MRC1: variants seen among roughly 807,000 people sequenced by gnomAD.
MRC1 encodes the protein macrophage mannose receptor 1.
In MRC1, 62 loss-of-function variants were observed where a neutral mutation model predicts 102.9. That is an observed-to-expected ratio of 0.60 (90% confidence interval 0.49 to 0.74). MRC1 has a LOEUF of 0.74. MRC1 is among the 30% of genes least tolerant of loss of function. MRC1 has a pLI of 0.00. For synonymous variants in MRC1, 457 were observed against 298.4 expected, an observed-to-expected ratio of 1.53 and a Z score of -5.48; for missense variants, 1,237 against 862.8, an observed-to-expected ratio of 1.43 and a Z score of -5.43.
intron 28 of MRC1, 56 bp from the exon 29 acceptor site, chr10:17,909,250 G>A (rs2130728058): frequency 2.5e-6 from 2 of 793,826 alleles, no homozygotes; most frequent in East Asian, 4.9e-5. Context: ...AATAATATTT[G>A]CTATCTACCT....
intron 22 of MRC1, among the ~76,000 whole-genome samples, chr10:17,886,697 C>CT (rs1346472516): frequency 1.3e-5 from 2 of 152,134 alleles, no homozygotes; most frequent in Non-Finnish European, 2.9e-5. Flanking sequence ...CCACCACGCC[C>CT]ATTCAGGTTT....
At chr10:17,899,833 T>C (rs1833804288) in intron 24 of MRC1, among the ~76,000 whole-genome samples, 1 of 152,072 alleles carries the variant, frequency 6.6e-6, no homozygotes, top group Non-Finnish European at 1.5e-5. Context: ...GCACGGTGGC[T>C]CACGCCTGTA....
At chr10:17,879,862 C>T (rs1159605341) in intron 19 of MRC1, 41 bp downstream of exon 19, 33 of 780,600 alleles carry the variant, frequency 4.2e-5, no homozygotes, top group Middle Eastern at 2.2e-4. Context: ...TGTGGCGTGG[C>T]GTGTCATTTG....
chr10:17,814,896 C>T (rs1031263682), intron 1 of MRC1, among the ~76,000 whole-genome samples: 6 of 151,778 alleles, frequency 4.0e-5, no homozygotes, highest in Non-Finnish European at 8.8e-5. Context: ...AACTCCTGAC[C>T]TCAGGTGATC....
intron 1 of MRC1, among the ~76,000 whole-genome samples, chr10:17,809,755 C>G (rs1838194729): frequency 6.6e-6 from 1 of 152,124 alleles, no homozygotes; most frequent in Non-Finnish European, 1.5e-5. Flanking sequence ...CGGTTGCTGC[C>G]CTGCCGGGAA....
intron 22 of MRC1, among the ~76,000 whole-genome samples, chr10:17,893,053 A>C (rs984693494): frequency 9.2e-5 from 14 of 151,506 alleles, no homozygotes; most frequent in Non-Finnish European, 2.1e-4. Context: ...AAATAAACAC[A>C]GTGAAATTTG....
At chr10:17,818,178 T>A (rs1165723588) in intron 1 of MRC1, among the ~76,000 whole-genome samples, 1 of 152,212 alleles carries the variant, frequency 6.6e-6, no homozygotes, top group East Asian at 1.9e-4. Flanking sequence ...AAATAAGCTT[T>A]CAGGGGAAAA....
intron 16 of MRC1, 105 bp downstream of exon 16, chr10:17,873,930 G>A (rs1833390549): frequency 3.8e-6 from 3 of 789,778 alleles, no homozygotes; most frequent in Non-Finnish European, 6.9e-6. Context: ...GAGAGCAGAA[G>A]TCCTTAATAA....
rs945025375 is a variant in MRC1, at chr10:17,812,240, G to A, written c.61+2714G>A. Among the ~76,000 whole-genome samples, 1,067 of 152,156 alleles carry A rather than the reference G, an allele frequency of 7.0e-3. 19 individuals are homozygous for A. The highest frequency in any genetic ancestry group is 0.024 in the African/African-American group (985 of 41,492). ...CACCTTTCCTACTGTTGTTCTTGCC[G>A]CACTATCTTTTTAGCACTCAGCAGC... On this transcript the variant is annotated intron_variant, in intron 1 of 29. Coordinates refer to ENST00000569591, the MANE Select transcript of MRC1 (RefSeq NM_002438.4).
rs1266396873 is a variant in MRC1, at chr10:17,879,766, T to G, written c.2664T>G (p.Gly888=). ...SKVDYVSWAT[G]EPNFANEDEN... The stretch of plus-strand genomic sequence containing the variant: ...TGGATTACGTGTCTTGGGCCACAGG[T>G]GAACCCAATTTTGCAAATGAAGATG... The change falls in exon 19 of 30, where the codon GGT becomes GGG. Residue 888 remains glycine, a synonymous_variant. Coordinates refer to ENST00000569591, the MANE Select transcript of MRC1 (RefSeq NM_002438.4). The G allele has an allele frequency of 1.3e-6, 1 of 780,752 alleles. No homozygotes were observed. Among genetic ancestry groups the G allele is most frequent in the African/African-American group, 1.7e-5 (1 of 59,136 alleles). The allele number at this position is 780,752 out of a possible 1,614,324, so 48.4% of individuals were successfully genotyped here.
At chr10:17,874,517 G>T (rs1833399803) in intron 16 of MRC1, among the ~76,000 whole-genome samples, 1 of 152,100 alleles carries the variant, frequency 6.6e-6, no homozygotes, top group African/African-American at 2.4e-5. Flanking sequence ...TTCCATGTAA[G>T]CTAACATTCA....
intron 4 of MRC1, among the ~76,000 whole-genome samples, chr10:17,835,509 A>G (rs1838649424): frequency 6.6e-6 from 1 of 152,176 alleles, no homozygotes; most frequent in Admixed American, 6.5e-5. Context: ...TAAGTCCTGC[A>G]TGGAAAGCAA....
Position 17,818,268 on chromosome 10 carries a change from G to A in MRC1, c.62-4806G>A, listed in dbSNP as rs898150110. ...CTGGGTTACTAGTTAAGATGCTTCCGCTTAATAAACATTCTTTCATTCATT... is the reference window on the plus strand; with the variant it reads ...CTGGGTTACTAGTTAAGATGCTTCCACTTAATAAACATTCTTTCATTCATT... On this transcript the variant is annotated intron_variant, in intron 1 of 29. Coordinates refer to ENST00000569591, the MANE Select transcript of MRC1 (RefSeq NM_002438.4). Among the ~76,000 whole-genome samples, 23 of 152,156 alleles carry A rather than the reference G, an allele frequency of 1.5e-4. No homozygotes were observed. The East Asian group carries it at 3.3e-3, about 22-fold the overall frequency.
chr10:17,829,264 TA>T (rs1218991840), intron 3 of MRC1, among the ~76,000 whole-genome samples: 1 of 151,484 alleles, frequency 6.6e-6, no homozygotes, highest in Non-Finnish European at 1.5e-5. Context: ...CAGAACAACT[TA>T]AAAAATACCT....
intron 3 of MRC1, 27 bp downstream of exon 3, chr10:17,827,742 G>T: frequency 1.3e-6 from 1 of 780,528 alleles, no homozygotes; most frequent in Non-Finnish European, 2.4e-6. Context: ...ACCAAGAAAA[G>T]TTGGGCACAT....
chr10:17,870,859 G>A lies in MRC1; in HGVS notation c.2123G>A (p.Ser708Asn), dbSNP rs1326986211. 2.3e-6 allele frequency: 2 copies of A among 872,422 alleles called. No homozygotes were observed. The highest frequency in any genetic ancestry group is 4.8e-5 in the East Asian group (2 of 41,682). The allele number at this position is 872,422 out of a possible 1,614,324, so 54.0% of individuals were successfully genotyped here. A position where few individuals can be genotyped will look rare whatever the true frequency, so the allele number is the denominator to read the frequency against. Reference protein sequence around the residue: ...TIWRLITASGSYHKLFWLGLT... With the variant: ...TIWRLITASGNYHKLFWLGLT... ...TTTGGATTTCATAGAGCTAGTGGAA[G>A]CTACCACAAACTGTTTTGGTTGGGA... Residue 708 changes from serine (S) to asparagine (N), a missense_variant, in exon 14 of 30, where the codon AGC becomes AAC. Physicochemically the swap from Ser to Asn is conservative, Grantham distance 46. Transcript: ENST00000569591.
At chr10:17,820,820 C>A (rs1193994948) in intron 1 of MRC1, among the ~76,000 whole-genome samples, 1 of 152,122 alleles carries the variant, frequency 6.6e-6, no homozygotes, top group Non-Finnish European at 1.5e-5. Flanking sequence ...AGATAATTTA[C>A]CTTTGCATAA....
intron 19 of MRC1, 86 bp from the exon 20 acceptor site, chr10:17,880,439 T>C (rs1436199126): frequency 1.3e-6 from 1 of 752,016 alleles, no homozygotes; most frequent in Non-Finnish European, 2.5e-6. Flanking sequence ...TTTTGAGAAT[T>C]CTTGTAAAAT....
intron 7 of MRC1, among the ~76,000 whole-genome samples, chr10:17,850,928 A>G (rs1838906522): frequency 6.6e-6 from 1 of 152,248 alleles, no homozygotes; most frequent in East Asian, 1.9e-4. Context: ...GGCCACGAGA[A>G]TAGCCCAGCT....
Sources: allele counts gnomAD v4.1 joint callset (sites outside exome capture counted in the v4.1 genomes callset), GRCh38; gene constraint gnomAD v4.1.1; transcripts MANE v1.5; gene names NCBI Gene and HGNC (gene_info 2026-07-23, HGNC 2026-07-21).